Variants in VMP1 observed in about 807,000 individuals in gnomAD.
VMP1 encodes the protein vacuole membrane protein 1, also known as ectopic P-granules autophagy protein 3 homolog.
Under a neutral mutation model 56.0 loss-of-function variants are expected in VMP1, and 11 were observed. The ratio of observed to expected loss-of-function variants is 0.20; its 90% CI spans 0.12 to 0.32. The LOEUF is 0.32. VMP1 is among the 10% of genes least tolerant of loss of function. The pLI is 1.00. For missense variants in VMP1, 296 were observed against 490.3 expected, an observed-to-expected ratio of 0.60 and a Z score of 3.74; for synonymous variants, 149 against 165.0, an observed-to-expected ratio of 0.90 and a Z score of 0.74.
intron 5 of VMP1, among the ~76,000 whole-genome samples, chr17:59,739,479 C>T (rs2035134048): frequency 6.6e-6 from 1 of 151,794 alleles, no homozygotes; most frequent in Non-Finnish European, 1.5e-5. Flanking sequence ...AATCCCAGCA[C>T]TTTGGGAGGC....
intron 7 of VMP1, among the ~76,000 whole-genome samples, chr17:59,799,945 CAA>C (rs11288012): frequency 9.3e-3 from 1,026 of 110,292 alleles, no homozygotes; most frequent in Non-Finnish European, 0.013. Context: ...GACTTCCTCT[CAA>C]AAAAAAAAAA....
intron 5 of VMP1, among the ~76,000 whole-genome samples, chr17:59,754,246 T>C (rs1166557516): frequency 6.6e-6 from 1 of 152,202 alleles, no homozygotes; most frequent in Non-Finnish European, 1.5e-5. Flanking sequence ...TTCATATTTA[T>C]GACCTCCTCT....
chr17:59,828,373 T>C (rs931193995), intron 10 of VMP1, among the ~76,000 whole-genome samples: 3 of 152,234 alleles, frequency 2.0e-5, no homozygotes, highest in South Asian at 2.1e-4. Context: ...TAAAATATGC[T>C]GTAAGGCAGT....
At chr17:59,832,005 C>G (rs990514198) in intron 10 of VMP1, among the ~76,000 whole-genome samples, 34 of 151,918 alleles carry the variant, frequency 2.2e-4, no homozygotes, top group African/African-American at 8.2e-4. Context: ...TGCTCAGCCT[C>G]CAGATTAGCT....
At chr17:59,748,945 G>A (rs893810915) in intron 5 of VMP1, among the ~76,000 whole-genome samples, 2 of 149,412 alleles carry the variant, frequency 1.3e-5, no homozygotes, top group African/African-American at 4.9e-5. Flanking sequence ...GCTGTCACAG[G>A]CTGCCTCATG....
intron 6 of VMP1, among the ~76,000 whole-genome samples, chr17:59,769,046 G>A (rs1024272653): frequency 3.3e-5 from 5 of 151,322 alleles, no homozygotes; most frequent in Non-Finnish European, 7.4e-5. Flanking sequence ...GCTTGAACCC[G>A]GGAGGCAGAG....
chr17:59,751,163 A>G (rs2035628797), intron 5 of VMP1, among the ~76,000 whole-genome samples: 1 of 151,660 alleles, frequency 6.6e-6, no homozygotes, highest in Non-Finnish European at 1.5e-5. Context: ...TGATCTCCTG[A>G]CCTCGTGATC....
At chr17:59,794,995 C>CT (rs59397471) in intron 7 of VMP1, among the ~76,000 whole-genome samples, 49,127 of 120,482 alleles carry the variant, frequency 0.41, 12,360 homozygotes, top group African/African-American at 0.64. Flanking sequence ...CAGATTTGAT[C>CT]TTTTTTTTTT....
chr17:59,751,766 A>G (rs2143911572), intron 5 of VMP1, among the ~76,000 whole-genome samples: 1 of 151,456 alleles, frequency 6.6e-6, no homozygotes, highest in East Asian at 1.9e-4. Flanking sequence ...AAAAAAAAAA[A>G]AAGTCTAACC....
intron 5 of VMP1, among the ~76,000 whole-genome samples, chr17:59,755,271 C>T (rs1035084312): frequency 2.0e-5 from 3 of 151,890 alleles, no homozygotes; most frequent in Admixed American, 6.6e-5. Context: ...CCACACCCGG[C>T]TAATTTTTTG....
intron 10 of VMP1, among the ~76,000 whole-genome samples, chr17:59,831,885 C>T (rs1010429002): frequency 2.0e-5 from 3 of 150,874 alleles, no homozygotes; most frequent in Non-Finnish European, 4.4e-5. Context: ...TTGTTTGTTT[C>T]GGAGACAGGA....
chr17:59,841,168 T>C lies in VMP1; in HGVS notation c.*1257T>C. On this transcript the variant is annotated 3_prime_UTR_variant, in exon 12 of 12. Coordinates refer to ENST00000262291, the MANE Select transcript of VMP1 (RefSeq NM_030938.5). ...CTTAACAGGCCAGAAATGCCTGGGT[T>C]TTTTTGGTTTGTTTTTGTTTTTGTT... 2.6e-6 allele frequency: 1 copy of C among 377,972 alleles called. No individual in the cohort carries two copies. Among genetic ancestry groups the C allele is most frequent in the Non-Finnish European group, 6.0e-6 (1 of 166,634 alleles). The allele number at this position is 377,972 out of a possible 1,614,324, so 23.4% of individuals were successfully genotyped here.
intron 1 of VMP1, among the ~76,000 whole-genome samples, chr17:59,712,592 G>C (rs1209916831): frequency 2.6e-5 from 4 of 152,158 alleles, no homozygotes; most frequent in Non-Finnish European, 4.4e-5. Flanking sequence ...TGGGAAATAA[G>C]AATTGTTAGG....
chr17:59,744,226 C>A (rs775163178), intron 5 of VMP1, among the ~76,000 whole-genome samples: 1 of 151,252 alleles, frequency 6.6e-6, no homozygotes, highest in Non-Finnish European at 1.5e-5. Context: ...TTTGGGAGGC[C>A]GAGGCGGGTG....
intron 9 of VMP1, among the ~76,000 whole-genome samples, chr17:59,814,694 A>G (rs926514357): frequency 4.6e-5 from 7 of 152,152 alleles, no homozygotes; most frequent in East Asian, 1.9e-4. Context: ...CTAGAATCCA[A>G]CCAAGCTCTG....
chr17:59,727,696 G>A (rs945159734), intron 1 of VMP1, among the ~76,000 whole-genome samples: 1 of 152,166 alleles, frequency 6.6e-6, no homozygotes, highest in African/African-American at 2.4e-5. Flanking sequence ...GGCATGTGCT[G>A]TGAAGTTGTT....
intron 11 of VMP1, 128 bp from the exon 12 acceptor site, chr17:59,839,640 G>T (rs2039095235): frequency 8.4e-7 from 1 of 1,184,550 alleles, no homozygotes; most frequent in Non-Finnish European, 1.2e-6. Context: ...AGTTGGGGTT[G>T]CTTACTTTTC....
intron 5 of VMP1, among the ~76,000 whole-genome samples, chr17:59,761,306 T>C (rs2036045393): frequency 6.6e-6 from 1 of 152,262 alleles, no homozygotes; most frequent in Non-Finnish European, 1.5e-5. Context: ...TATTGAGCAA[T>C]ATTTCTTTTG....
At chr17:59,776,893 A>G (rs940225766) in intron 7 of VMP1, among the ~76,000 whole-genome samples, 15 of 152,222 alleles carry the variant, frequency 9.9e-5, no homozygotes, top group African/African-American at 3.1e-4. Flanking sequence ...TCATAAGTCA[A>G]CTAATGTACT....
Sources: gnomAD v4.1 joint callset for allele counts (sites outside exome capture counted in the v4.1 genomes callset) on GRCh38, gnomAD v4.1.1 for gene constraint, MANE v1.5 for transcripts, NCBI Gene and HGNC (gene_info 2026-07-23, HGNC 2026-07-21) for gene names.